NRXN3: variants seen among roughly 807,000 people sequenced by gnomAD.
NRXN3 encodes the protein neurexin 3.
NRXN3 carries 32 observed loss-of-function variants against 137.6 expected under a neutral mutation model. That is an observed-to-expected ratio of 0.23 (90% CI 0.18 to 0.31). The LOEUF (loss-of-function observed/expected upper bound fraction) is 0.31, where lower values mean the gene tolerates loss of function less well. Among genes scored for constraint, NRXN3 ranks in the 10% least tolerant of loss-of-function variants. The probability of loss-of-function intolerance (pLI) is 1.00; values close to 1 mark genes in which losing one functional copy is unlikely to be tolerated. For synonymous variants in NRXN3, 798 were observed against 784.5 expected (o/e 1.02, Z -0.29); for missense variants, 1,574 against 2,062.5 (o/e 0.76, Z 4.59).
At position 78,967,312 on chromosome 14, in the gene NRXN3, G is replaced by A. The variant is rs1166669860; in HGVS notation, c.2882G>A (p.Arg961Gln). The change falls in exon 13 of 21, where the codon CGG (arginine) becomes CAG (glutamine). Residue 961 changes from arginine (R) to glutamine (Q), a missense_variant. Physicochemically the swap from Arg to Gln is conservative, Grantham distance 43. Around this residue, in one of 5 missense-constraint regions of NRXN3, gnomAD observed 718 missense variants for 887.6 expected, o/e 0.81. Coordinates refer to ENST00000335750, the MANE Select transcript of NRXN3 (RefSeq NM_001330195.2). ...CAGTGGCACAATGTCGTCATCACTCGGGACAATAGTAACACTCATAGCCTG... is the reference window on the plus strand; with the variant it reads ...CAGTGGCACAATGTCGTCATCACTCAGGACAATAGTAACACTCATAGCCTG... Reference protein sequence around the residue: ...DNQWHNVVITRDNSNTHSLKV... With the variant: ...DNQWHNVVITQDNSNTHSLKV... 6 of 1,613,672 alleles carry A rather than the reference G, an allele frequency of 3.7e-6. No individual in the cohort carries two copies. The highest frequency in any genetic ancestry group is 4.5e-5 in the East Asian group (2 of 44,866).
At chr14:79,017,439 G>T (rs762904674) in intron 15 of NRXN3, among the ~76,000 whole-genome samples, 3 of 151,536 alleles carry the variant, frequency 2.0e-5, no homozygotes, top group East Asian at 3.9e-4. Context: ...TCCCCATGCC[G>T]TTATCAACTT....
intron 4 of NRXN3, among the ~76,000 whole-genome samples, chr14:78,426,547 G>A (rs2093672886): frequency 3.9e-5 from 6 of 152,184 alleles, no homozygotes; most frequent in Admixed American, 3.9e-4. Flanking sequence ...AAGATTTGAA[G>A]AACAGTTAAC....
chr14:79,262,700 A>G (rs959251826), intron 15 of NRXN3, among the ~76,000 whole-genome samples: 2 of 152,204 alleles, frequency 1.3e-5, no homozygotes, highest in African/African-American at 4.8e-5. Context: ...AATGTGTACA[A>G]GGAGGCAGTC....
At chr14:79,332,554 A>G (rs981419331) in intron 15 of NRXN3, among the ~76,000 whole-genome samples, 1 of 152,316 alleles carries the variant, frequency 6.6e-6, no homozygotes, top group East Asian at 1.9e-4. Context: ...TTGATCTATC[A>G]TTTTATTGAT....
intron 8 of NRXN3, among the ~76,000 whole-genome samples, chr14:78,716,527 G>A (rs2098434841): frequency 6.6e-6 from 1 of 152,304 alleles, no homozygotes; most frequent in Admixed American, 6.5e-5. Flanking sequence ...GGACAGAAAA[G>A]AAGGACATGG....
chr14:78,257,998 A>G (rs981138614), intron 2 of NRXN3, among the ~76,000 whole-genome samples: 5 of 152,174 alleles, frequency 3.3e-5, no homozygotes, highest in Non-Finnish European at 5.9e-5. Flanking sequence ...ATAATTAGGT[A>G]TTAATTTTAG....
At chr14:78,369,386 G>A (rs1464490380) in intron 4 of NRXN3, among the ~76,000 whole-genome samples, 1 of 151,974 alleles carries the variant, frequency 6.6e-6, no homozygotes. Context: ...CTACTTTTGG[G>A]GATTTGTTTC....
rs968877454 is a variant in NRXN3 at position 79,223,717 on chromosome 14, A to AT, written c.3262+235582dup. Among the ~76,000 whole-genome samples, 20 of 152,234 alleles carry AT rather than the reference A, an allele frequency of 1.3e-4. 1 individual carries two copies. Among genetic ancestry groups the AT allele is most frequent in the East Asian group, 5.8e-4 (3 of 5,168 alleles). On this transcript the variant is annotated intron_variant, in intron 15 of 20. Transcript: ENST00000335750. ...CAATAACCAAATCTATGGTTTAGAC[A>AT]TTTTTTAGCACTTTGCTCCAACCTG...
At chr14:78,352,568 G>A (rs1323537748) in intron 4 of NRXN3, among the ~76,000 whole-genome samples, 2 of 152,162 alleles carry the variant, frequency 1.3e-5, no homozygotes. Context: ...GCGGGGTTGG[G>A]GAGGGGTGTG....
chr14:78,595,913 G>T (rs982278268), intron 4 of NRXN3, among the ~76,000 whole-genome samples: 5 of 152,150 alleles, frequency 3.3e-5, no homozygotes, highest in Admixed American at 6.5e-5. Context: ...TAAACCAACA[G>T]CAATTTTAGA....
At chr14:78,354,601 C>T (rs1420505930) in intron 4 of NRXN3, among the ~76,000 whole-genome samples, 1 of 152,294 alleles carries the variant, frequency 6.6e-6, no homozygotes, top group Non-Finnish European at 1.5e-5. Context: ...TGTCCCTCAG[C>T]TGTTAGAATA....
intron 15 of NRXN3, among the ~76,000 whole-genome samples, chr14:79,057,198 A>C (rs1331942258): frequency 1.3e-5 from 2 of 152,248 alleles, no homozygotes; most frequent in African/African-American, 4.8e-5. Flanking sequence ...TGAGAAAGTC[A>C]TGCAGCACAT....
chr14:79,742,714 T>C (rs1227605781), intron 19 of NRXN3, among the ~76,000 whole-genome samples: 2 of 152,178 alleles, frequency 1.3e-5, no homozygotes, highest in South Asian at 2.1e-4. Flanking sequence ...AAATAGCCCA[T>C]AGTTCACAAT....
intron 16 of NRXN3, among the ~76,000 whole-genome samples, chr14:79,617,930 A>AAAAAAAAAAAAAAAAAAAAAAAAAAAG (rs1385000688): frequency 2.0e-5 from 3 of 148,734 alleles, no homozygotes; most frequent in African/African-American, 7.8e-5. Context: ...AAAAAAAAAA[A>AAAAAAAAAAAAAAAAAAAAAAAAAAAG]AACATGCTTA....
chr14:79,755,397 C>T (rs1333922177), intron 19 of NRXN3, among the ~76,000 whole-genome samples: 4 of 151,708 alleles, frequency 2.6e-5, no homozygotes, highest in Non-Finnish European at 4.4e-5. Context: ...TTGTTTTTTT[C>T]TTAGAACATA....
intron 1 of NRXN3, among the ~76,000 whole-genome samples, chr14:78,184,986 CTGAGGAG>C (rs1324070285): frequency 6.6e-6 from 1 of 152,162 alleles, no homozygotes; most frequent in South Asian, 2.1e-4. Context: ...GTATAGAGGA[CTGAGGAG>C]TGAGAGAGAA....
intron 19 of NRXN3, among the ~76,000 whole-genome samples, chr14:79,706,165 C>T (rs1031295650): frequency 1.3e-5 from 2 of 152,180 alleles, no homozygotes; most frequent in Admixed American, 6.5e-5. Context: ...CCAGAGATAT[C>T]TCCTTGTCTC....
At chr14:78,573,626 G>A (rs1403335035) in intron 4 of NRXN3, among the ~76,000 whole-genome samples, 3 of 152,204 alleles carry the variant, frequency 2.0e-5, no homozygotes, top group African/African-American at 7.2e-5. Context: ...TTTCTAAGCA[G>A]CAAATCATTC....
intron 15 of NRXN3, among the ~76,000 whole-genome samples, chr14:79,111,251 G>A (rs1321187578): frequency 1.3e-5 from 2 of 152,142 alleles, no homozygotes; most frequent in Admixed American, 1.3e-4. Context: ...GCCTCTGGAA[G>A]GCCAAATAGC....
Sources: gnomAD v4.1 joint callset for allele counts (sites outside exome capture counted in the v4.1 genomes callset) on GRCh38, gnomAD v4.1.1 for gene constraint, gnomAD v4.1.1 regional missense constraint, MANE v1.5 for transcripts, NCBI Gene and HGNC (gene_info 2026-07-23, HGNC 2026-07-21) for gene names.